CSMD1: variants seen among roughly 807,000 people sequenced by gnomAD.
CSMD1 encodes CUB and sushi domain-containing protein 1.
In CSMD1, 213 loss-of-function variants were observed where a neutral mutation model predicts 417.5. That is an observed-to-expected ratio of 0.51 (90% CI 0.46 to 0.57). CSMD1 has a LOEUF of 0.57. CSMD1 is among the 20% of genes least tolerant of loss of function. The pLI is 0.00. For synonymous variants in CSMD1, 2,862 were observed against 1,736.8 expected (o/e 1.65, Z -16.11); for missense variants, 6,923 against 4,529.7 (o/e 1.53, Z -15.17).
intron 1 of CSMD1, among the ~76,000 whole-genome samples, chr8:4,961,379 C>T (rs1270639629): frequency 6.6e-6 from 1 of 152,104 alleles, no homozygotes; most frequent in African/African-American, 2.4e-5. Flanking sequence ...CTGAGGCATT[C>T]AGTAGAATGT....
At chr8:3,938,362 C>G (rs537461455) in intron 5 of CSMD1, among the ~76,000 whole-genome samples, 2 of 152,216 alleles carry the variant, frequency 1.3e-5, no homozygotes, top group South Asian at 2.1e-4. Flanking sequence ...GTAATAGAGT[C>G]AAAACTGAAT....
chr8:4,917,627 C>G (rs575123376), intron 1 of CSMD1, among the ~76,000 whole-genome samples: 26 of 151,128 alleles, frequency 1.7e-4, no homozygotes, highest in African/African-American at 6.1e-4. Flanking sequence ...GAGCGAGACT[C>G]CGTCTCAAAA....
intron 5 of CSMD1, among the ~76,000 whole-genome samples, chr8:3,819,006 A>G (rs891641681): frequency 1.3e-5 from 2 of 152,206 alleles, no homozygotes; most frequent in Non-Finnish European, 2.9e-5. Flanking sequence ...TCAATGATTT[A>G]TCACTCTCTT....
At chr8:4,712,645 T>C (rs936266427) in intron 1 of CSMD1, among the ~76,000 whole-genome samples, 3 of 152,232 alleles carry the variant, frequency 2.0e-5, no homozygotes, top group African/African-American at 7.2e-5. Flanking sequence ...GCAGCATCTT[T>C]TTCCTCTAAT....
chr8:4,565,488 A>G (rs1328068730), intron 2 of CSMD1, among the ~76,000 whole-genome samples: 2 of 152,056 alleles, frequency 1.3e-5, no homozygotes, highest in Admixed American at 6.6e-5. Context: ...CTGTAATCCC[A>G]GCACTTAAGG....
intron 2 of CSMD1, among the ~76,000 whole-genome samples, chr8:4,534,408 T>C (rs932340024): frequency 9.2e-5 from 14 of 152,240 alleles, no homozygotes; most frequent in Admixed American, 5.2e-4. Flanking sequence ...TTTTCACTCA[T>C]TCACCTTTAC....
At chr8:3,968,459 T>C (rs567531127) in intron 5 of CSMD1, among the ~76,000 whole-genome samples, 7 of 152,290 alleles carry the variant, frequency 4.6e-5, no homozygotes, top group African/African-American at 1.7e-4. Context: ...TGCTTTTCTC[T>C]TTAAGAATCT....
Position 3,296,686 on chromosome 8 carries a change from G to C in CSMD1, c.3950+11009C>G, listed in dbSNP as rs4445245. ...ACTGGTCAGGTCCTGGATACGTTTT[G>C]AAGGGAGAGAAAACAGGCTTGGAAG... On this transcript the variant is annotated intron_variant, in intron 25 of 69. Transcript: ENST00000635120. Among the ~76,000 whole-genome samples the C allele has an allele frequency of 7.8e-3, 1,190 of 152,296 alleles. 19 individuals are homozygous for C. The highest frequency in any genetic ancestry group is 0.027 in the African/African-American group (1,104 of 41,568).
intron 2 of CSMD1, among the ~76,000 whole-genome samples, chr8:4,608,031 T>G (rs1015711180): frequency 6.6e-6 from 1 of 152,100 alleles, no homozygotes; most frequent in Admixed American, 6.6e-5. Context: ...GGTGTGTCCT[T>G]GCCCAGAAAA....
At chr8:3,425,602 AAAG>A (rs1246963918) in intron 12 of CSMD1, among the ~76,000 whole-genome samples, 1 of 150,768 alleles carries the variant, frequency 6.6e-6, no homozygotes, top group Non-Finnish European at 1.5e-5. Context: ...AAAAAAAAAA[AAAG>A]AAGAAAGAAA....
At chr8:4,326,305 G>C (rs933613785) in intron 3 of CSMD1, among the ~76,000 whole-genome samples, 4 of 152,284 alleles carry the variant, frequency 2.6e-5, no homozygotes, top group East Asian at 1.9e-4. Flanking sequence ...AAGGACAGCG[G>C]ATAAGTCCTT....
chr8:4,083,595 A>T (rs1054261532), intron 3 of CSMD1, among the ~76,000 whole-genome samples: 7 of 152,304 alleles, frequency 4.6e-5, no homozygotes, highest in Non-Finnish European at 7.4e-5. Flanking sequence ...TGGGGAAAGG[A>T]TTCCCTATTT....
chr8:3,230,019 C>G (rs767477475), intron 27 of CSMD1, 21 bp downstream of exon 27: 4 of 1,482,720 alleles, frequency 2.7e-6, no homozygotes, highest in East Asian at 2.4e-5. Flanking sequence ...TATAAAATTT[C>G]TAAGTTCTGT....
At chr8:4,260,117 A>C (rs1803767562) in intron 3 of CSMD1, among the ~76,000 whole-genome samples, 3 of 152,112 alleles carry the variant, frequency 2.0e-5, no homozygotes, top group Non-Finnish European at 4.4e-5. Context: ...TCTTCAACAA[A>C]TTGCTAAGTC....
At position 3,296,459 on chromosome 8, in the gene CSMD1, T is replaced by G. The variant is rs138688567; in HGVS notation, c.3950+11236A>C. Among the ~76,000 whole-genome samples, 100 of 152,096 alleles carry G rather than the reference T, an allele frequency of 6.6e-4. 1 individual carries two copies. The highest frequency in any genetic ancestry group is 2.2e-3 in the African/African-American group (93 of 41,510). On this transcript the variant is annotated intron_variant, in intron 25 of 69. Transcript: ENST00000635120. ...ACGCACAGAGGGCTTTGTAGGCTGTTTTAAGGATGATACACCGATGCGGGA... is the reference window on the plus strand; with the variant it reads ...ACGCACAGAGGGCTTTGTAGGCTGTGTTAAGGATGATACACCGATGCGGGA...
chr8:3,933,053 G>A (rs558099027), intron 5 of CSMD1, among the ~76,000 whole-genome samples: 1 of 114,968 alleles, frequency 8.7e-6, no homozygotes, highest in African/African-American at 3.4e-5. Context: ...ACTGCTTGTG[G>A]CAAATTATCT....
rs190742298 is a variant in CSMD1, at chr8:4,359,582, T to C, written c.415+60371A>G. On this transcript the variant is annotated intron_variant, in intron 3 of 69. Transcript: ENST00000635120. ...AGCCCTGTGTTCCTTGGAGATTACA[T>C]GGTGTTCTAAAAGACTGAATTAACT... is the stretch of plus-strand genomic sequence containing the variant. Among the ~76,000 whole-genome samples, 884 of 152,330 alleles carry C rather than the reference T, an allele frequency of 5.8e-3. 4 individuals carry two copies. Among genetic ancestry groups the C allele is most frequent in the Admixed American group, 8.8e-3 (134 of 15,300 alleles).
chr8:4,182,038 G>C (rs1017808749), intron 3 of CSMD1, among the ~76,000 whole-genome samples: 2 of 119,158 alleles, frequency 1.7e-5, no homozygotes, highest in African/African-American at 5.6e-5. Context: ...GTGTGTGTGT[G>C]TGTGTCGGTG....
intron 5 of CSMD1, among the ~76,000 whole-genome samples, chr8:3,875,919 TGAG>T (rs1805785292): frequency 2.0e-5 from 3 of 152,164 alleles, no homozygotes. Flanking sequence ...TTTCTCTTTA[TGAG>T]GAGATCAATG....
Sources: gnomAD v4.1 joint callset for allele counts (sites outside exome capture counted in the v4.1 genomes callset) on GRCh38, gnomAD v4.1.1 for gene constraint, MANE v1.5 for transcripts, NCBI Gene and HGNC (gene_info 2026-07-23, HGNC 2026-07-21) for gene names.